Variants in GABRG3 observed in about 807,000 individuals in gnomAD.
GABRG3 encodes gamma-aminobutyric acid type A receptor subunit gamma3, also known as gamma-aminobutyric acid receptor subunit gamma-3.
GABRG3 carries 25 observed loss-of-function variants against 48.8 expected under a neutral mutation model. The observed-to-expected ratio is 0.51, with a 90% CI of 0.37 to 0.72. GABRG3 has a LOEUF of 0.72. Among genes scored for constraint, GABRG3 ranks in the 30% least tolerant of loss-of-function variants. The pLI is 0.00. For synonymous variants in GABRG3, 227 were observed against 217.6 expected, an observed-to-expected ratio of 1.04 and a Z score of -0.38; for missense variants, 394 against 577.9, an observed-to-expected ratio of 0.68 and a Z score of 3.26.
intron 3 of GABRG3, among the ~76,000 whole-genome samples, chr15:27,290,405 T>C (rs940324048): frequency 6.6e-6 from 1 of 151,804 alleles, no homozygotes; most frequent in African/African-American, 2.4e-5. Context: ...GAATGGAATA[T>C]GTGAAAGGGG....
chr15:27,024,106 T>A (rs1481472886), intron 2 of GABRG3, among the ~76,000 whole-genome samples: 2 of 152,224 alleles, frequency 1.3e-5, no homozygotes, highest in African/African-American at 4.8e-5. Flanking sequence ...TGCTTGTATA[T>A]CTTCTTGGGG....
At chr15:27,409,306 G>A (rs1275963942) in intron 5 of GABRG3, among the ~76,000 whole-genome samples, 1 of 152,062 alleles carries the variant, frequency 6.6e-6, no homozygotes, top group Non-Finnish European at 1.5e-5. Context: ...TGGTGCGGGG[G>A]CTATGAATGT....
At chr15:27,250,722 T>G (rs978191179) in intron 3 of GABRG3, among the ~76,000 whole-genome samples, 6 of 152,194 alleles carry the variant, frequency 3.9e-5, no homozygotes, top group African/African-American at 1.4e-4. Flanking sequence ...CCACCGCGAC[T>G]AGCCTCAGGA....
At chr15:27,382,709 G>A (rs1895811527) in intron 5 of GABRG3, among the ~76,000 whole-genome samples, 1 of 152,174 alleles carries the variant, frequency 6.6e-6, no homozygotes, top group Non-Finnish European at 1.5e-5. Flanking sequence ...GGGTGTTTTT[G>A]GATTTTGGAT....
In GABRG3 at chr15:26,971,417, C is replaced by T; in HGVS notation, c.-119C>T. The T allele has an allele frequency of 2.5e-6, 2 of 788,880 alleles. No individual in the cohort carries two copies. Among genetic ancestry groups the T allele is most frequent in the Non-Finnish European group, 1.8e-6 (1 of 556,546 alleles). The allele number at this position is 788,880 out of a possible 1,614,324, so 48.9% of individuals were successfully genotyped here. A position where few individuals can be genotyped will look rare whatever the true frequency, so the allele number is the denominator to read the frequency against. ...CAGAGTAGATACCTGTCCCGCCCGC[C>T]GCGGCCAGCAGCCTCGGAGGAAGCC... is the stretch of plus-strand genomic sequence containing the variant. On this transcript the variant is annotated 5_prime_UTR_variant, in exon 1 of 10. Coordinates refer to ENST00000615808, the MANE Select transcript of GABRG3 (RefSeq NM_033223.5).
At chr15:27,108,934 A>G (rs959657578) in intron 3 of GABRG3, among the ~76,000 whole-genome samples, 19 of 152,116 alleles carry the variant, frequency 1.2e-4, no homozygotes, top group Admixed American at 1.0e-3. Flanking sequence ...CCTTATTGGC[A>G]TAGGAAAATG....
intron 5 of GABRG3, among the ~76,000 whole-genome samples, chr15:27,410,177 A>C (rs1887753352): frequency 6.6e-6 from 1 of 152,202 alleles, no homozygotes; most frequent in Non-Finnish European, 1.5e-5. Flanking sequence ...AGATCATGTT[A>C]GTTTTTCTTC....
intron 3 of GABRG3, among the ~76,000 whole-genome samples, chr15:27,281,238 A>C (rs1400739241): frequency 6.6e-6 from 1 of 152,156 alleles, no homozygotes; most frequent in African/African-American, 2.4e-5. Flanking sequence ...TTTTAAATGC[A>C]TTCTACCAAT....
chr15:27,307,036 AAAAT>A (rs1194843270), intron 3 of GABRG3, among the ~76,000 whole-genome samples: 3 of 89,292 alleles, frequency 3.4e-5, no homozygotes, highest in Non-Finnish European at 7.2e-5. Flanking sequence ...AAACATGTAT[AAAAT>A]AAACATGTTT....
intron 3 of GABRG3, among the ~76,000 whole-genome samples, chr15:27,042,677 C>G (rs1382169860): frequency 6.6e-6 from 1 of 152,254 alleles, no homozygotes; most frequent in East Asian, 1.9e-4. Context: ...AACTCCCAAA[C>G]TCCCGGTGCC....
intron 6 of GABRG3, among the ~76,000 whole-genome samples, chr15:27,500,539 C>T (rs1890597600): frequency 6.6e-6 from 1 of 152,214 alleles, no homozygotes; most frequent in South Asian, 2.1e-4. Context: ...GGCAAAGGCC[C>T]AGCACCAGCC....
At chr15:27,006,509 A>G (rs2140662882) in intron 2 of GABRG3, among the ~76,000 whole-genome samples, 1 of 152,132 alleles carries the variant, frequency 6.6e-6, no homozygotes, top group Non-Finnish European at 1.5e-5. Context: ...CCCTCTTCCA[A>G]CTTTTATTTT....
chr15:27,449,853 T>C (rs1348210486), intron 5 of GABRG3, among the ~76,000 whole-genome samples: 1 of 152,242 alleles, frequency 6.6e-6, no homozygotes, highest in East Asian at 1.9e-4. Flanking sequence ...TAATCTTGTG[T>C]TCTCAAATGC....
At chr15:27,424,949 C>A (rs1002343501) in intron 5 of GABRG3, among the ~76,000 whole-genome samples, 1 of 152,110 alleles carries the variant, frequency 6.6e-6, no homozygotes, top group Non-Finnish European at 1.5e-5. Flanking sequence ...TAGGGCCATG[C>A]GATATCAGCT....
intron 2 of GABRG3, among the ~76,000 whole-genome samples, chr15:27,022,966 G>A (rs1347387857): frequency 2.0e-5 from 3 of 152,190 alleles, no homozygotes; most frequent in Non-Finnish European, 4.4e-5. Flanking sequence ...GAGCAAATGT[G>A]GCTGATGCTT....
chr15:27,339,717 T>C (rs1894101395), intron 5 of GABRG3, among the ~76,000 whole-genome samples: 1 of 152,234 alleles, frequency 6.6e-6, no homozygotes, highest in Non-Finnish European at 1.5e-5. Context: ...TGGTTCCTTT[T>C]GCCCAGTCTT....
intron 6 of GABRG3, among the ~76,000 whole-genome samples, chr15:27,497,890 C>T (rs1890525854): frequency 1.3e-5 from 2 of 152,176 alleles, no homozygotes; most frequent in South Asian, 4.1e-4. Context: ...ATTGTTTCTT[C>T]ATTCCTCAAT....
intron 5 of GABRG3, among the ~76,000 whole-genome samples, chr15:27,335,076 A>G (rs759656602): frequency 1.3e-5 from 2 of 149,616 alleles, no homozygotes; most frequent in Non-Finnish European, 2.9e-5. Flanking sequence ...ATCATATGCA[A>G]TACTGTGATT....
At chr15:27,196,575 C>T (rs1311799784) in intron 3 of GABRG3, among the ~76,000 whole-genome samples, 2 of 152,208 alleles carry the variant, frequency 1.3e-5, no homozygotes, top group African/African-American at 4.8e-5. Context: ...GTGAAAACCT[C>T]ACAGATCAGT....
Sources: allele counts gnomAD v4.1 joint callset (sites outside exome capture counted in the v4.1 genomes callset), GRCh38; gene constraint gnomAD v4.1.1; transcripts MANE v1.5; gene names NCBI Gene and HGNC (gene_info 2026-07-23, HGNC 2026-07-21).